The following ADTRP variants were observed in gnomAD, a reference collection of about 807,000 sequenced individuals.
ADTRP encodes androgen dependent TFPI regulating protein.
Under a neutral mutation model 27.0 loss-of-function variants are expected in ADTRP, and 20 were observed. The ratio of observed to expected loss-of-function variants is 0.74; its 90% CI spans 0.52 to 1.08. The LOEUF (loss-of-function observed/expected upper bound fraction) is 1.08, where lower values mean the gene tolerates loss of function less well. Ranked by LOEUF, ADTRP falls within the 50% of genes least tolerant of loss-of-function variation. ADTRP has a pLI of 0.00. For synonymous variants in ADTRP, 101 were observed against 105.2 expected, an observed-to-expected ratio of 0.96 and a Z score of 0.25; for missense variants, 251 against 275.0, an observed-to-expected ratio of 0.91 and a Z score of 0.62.
chr6:11,724,778 C>T (rs1267026900), intron 4 of ADTRP, among the ~76,000 whole-genome samples: 2 of 152,172 alleles, frequency 1.3e-5, no homozygotes, highest in African/African-American at 2.4e-5. Flanking sequence ...AAACAGCATA[C>T]ACCTTCTAAG....
chr6:11,742,054 C>T (rs1211858930), intron 3 of ADTRP, among the ~76,000 whole-genome samples: 1 of 152,094 alleles, frequency 6.6e-6, no homozygotes, highest in African/African-American at 2.4e-5. Flanking sequence ...TACCTACAAT[C>T]ACTTAGCTTT....
intron 2 of ADTRP, 31 bp downstream of exon 2, chr6:11,768,218 G>C: frequency 6.2e-7 from 1 of 1,612,504 alleles, no homozygotes; most frequent in Non-Finnish European, 8.5e-7. Context: ...GCACATTTCT[G>C]TTAGATTATG....
chr6:11,766,189 T>C (rs1763564919), intron 3 of ADTRP, 85 bp downstream of exon 3: 2 of 997,644 alleles, frequency 2.0e-6, no homozygotes, highest in African/African-American at 3.3e-5. Flanking sequence ...AATTGAGACA[T>C]TTGGAAACAT....
chr6:11,715,209 C>T (rs542465397), intron 5 of ADTRP, among the ~76,000 whole-genome samples: 28 of 152,168 alleles, frequency 1.8e-4, no homozygotes, highest in Non-Finnish European at 3.8e-4. Context: ...TCCTCCATTC[C>T]AGAACTTACA....
At chr6:11,734,230 T>G (rs2113898807) in intron 4 of ADTRP, among the ~76,000 whole-genome samples, 1 of 152,392 alleles carries the variant, frequency 6.6e-6, no homozygotes, top group East Asian at 1.9e-4. Context: ...ATATATTCCT[T>G]TGTATTAAGC....
chr6:11,723,645 A>C, intron 4 of ADTRP, 145 bp from the exon 5 acceptor site: 1 of 912,282 alleles, frequency 1.1e-6, no homozygotes, highest in East Asian at 2.5e-5. Flanking sequence ...ATTCCCACAA[A>C]CCTAAAGAAG....
Position 11,735,501 on chromosome 6 carries a change from AT to A in ADTRP, c.506+66del, listed in dbSNP as rs1762517984. Reference sequence around the variant, plus strand: ...AAGGGATTCTGACAGAACAGTACACATTTCTGGAACTTCCCTCAGGGTCTTG... The same window carrying A: ...AAGGGATTCTGACAGAACAGTACACATTCTGGAACTTCCCTCAGGGTCTTG... On this transcript the variant is annotated intron_variant, in intron 4 of 5. Transcript: ENST00000414691. The A allele has an allele frequency of 2.5e-6, 3 of 1,179,576 alleles. No individual in the cohort carries two copies. The South Asian group carries it at 4.0e-5, about 16-fold the overall frequency. The allele number at this position is 1,179,576 out of a possible 1,614,324, so 73.1% of individuals were successfully genotyped here.
intron 3 of ADTRP, among the ~76,000 whole-genome samples, chr6:11,756,959 G>T (rs1049001543): frequency 9.2e-5 from 14 of 152,122 alleles, no homozygotes; most frequent in Admixed American, 9.2e-4. Flanking sequence ...ATGAATTAGG[G>T]CTCACTATTT....
intron 3 of ADTRP, among the ~76,000 whole-genome samples, chr6:11,758,486 C>G (rs908431553): frequency 2.8e-5 from 4 of 141,662 alleles, no homozygotes; most frequent in African/African-American, 1.1e-4. Context: ...AACCAAACAC[C>G]GCATGTTCTC....
chr6:11,717,686 A>G (rs989656997), intron 5 of ADTRP, among the ~76,000 whole-genome samples: 1 of 152,248 alleles, frequency 6.6e-6, no homozygotes, highest in African/African-American at 2.4e-5. Context: ...ATGAGATCTG[A>G]GCACTGATAG....
intron 5 of ADTRP, chr6:11,717,227 TCAC>T: frequency 8.0e-7 from 1 of 1,245,336 alleles, no homozygotes; most frequent in South Asian, 1.4e-5. Flanking sequence ...GAAGTTAGAT[TCAC>T]CCCGACTTGT....
At chr6:11,738,836 C>T (rs1301250482) in intron 3 of ADTRP, among the ~76,000 whole-genome samples, 7 of 152,174 alleles carry the variant, frequency 4.6e-5, no homozygotes, top group East Asian at 3.8e-4. Context: ...CCATATACCT[C>T]GACTTCATCC....
intron 5 of ADTRP, 63 bp from the exon 6 acceptor site, chr6:11,714,575 T>G: frequency 6.4e-7 from 1 of 1,562,072 alleles, no homozygotes; most frequent in African/African-American, 1.4e-5. Context: ...GTATTTTTGT[T>G]GTGGGTAGAG....
chr6:11,738,318 C>T (rs1220493263), intron 3 of ADTRP, among the ~76,000 whole-genome samples: 1 of 152,136 alleles, frequency 6.6e-6, no homozygotes, highest in Non-Finnish European at 1.5e-5. Flanking sequence ...CCCTCCCCAG[C>T]CCACAGCTGG....
intron 4 of ADTRP, among the ~76,000 whole-genome samples, chr6:11,731,594 C>A (rs1406197391): frequency 6.6e-6 from 1 of 151,996 alleles, no homozygotes; most frequent in Non-Finnish European, 1.5e-5. Flanking sequence ...GCTTTCTGCA[C>A]TCTCCTGGCC....
rs1007700852 is a variant in ADTRP, at chr6:11,758,156, T to C, written c.390+8118A>G. 2.0e-5 allele frequency among the ~76,000 whole-genome samples: 3 copies of C among 152,204 alleles called. No individual in the cohort carries two copies. In the East Asian group the frequency reaches 5.8e-4, roughly 29 times the overall value. On this transcript the variant is annotated intron_variant, in intron 3 of 5. Coordinates refer to ENST00000414691, the MANE Select transcript of ADTRP (RefSeq NM_032744.4). ...TTTAGAAGTATGCTCATGGCATTCATTGGACCTTATTCTGCACTCTTTGAC... is the reference window on the plus strand; with the variant it reads ...TTTAGAAGTATGCTCATGGCATTCACTGGACCTTATTCTGCACTCTTTGAC...
intron 3 of ADTRP, among the ~76,000 whole-genome samples, chr6:11,739,509 C>T (rs999572129): frequency 3.3e-5 from 5 of 152,176 alleles, no homozygotes; most frequent in Admixed American, 1.3e-4. Context: ...GTGAGAACTA[C>T]AAGCATGAAG....
At chr6:11,759,103 G>A (rs990963369) in intron 3 of ADTRP, among the ~76,000 whole-genome samples, 3 of 152,212 alleles carry the variant, frequency 2.0e-5, no homozygotes, top group African/African-American at 7.2e-5. Context: ...CTCATATCAA[G>A]TGACATTTGC....
chr6:11,738,568 G>A (rs1762616770), intron 3 of ADTRP: 1 of 152,194 alleles, frequency 6.6e-6, no homozygotes, highest in African/African-American at 2.4e-5. Flanking sequence ...TATTAACCCT[G>A]CCCACAATCA....
Sources: allele counts gnomAD v4.1 joint callset (sites outside exome capture counted in the v4.1 genomes callset), GRCh38; gene constraint gnomAD v4.1.1; transcripts MANE v1.5; gene names NCBI Gene and HGNC (gene_info 2026-07-23, HGNC 2026-07-21).